Variants in KCNH1 observed in about 807,000 individuals in gnomAD.
KCNH1 encodes the protein potassium voltage-gated channel subfamily H member 1, also known as voltage-gated delayed rectifier potassium channel KCNH1.
In KCNH1, 27 loss-of-function variants were observed where a neutral mutation model predicts 69.2. The ratio of observed to expected loss-of-function variants is 0.39; its 90% CI spans 0.29 to 0.54. The LOEUF (loss-of-function observed/expected upper bound fraction) is 0.54. Among genes scored for constraint, KCNH1 ranks in the 20% least tolerant of loss-of-function variants. KCNH1 has a pLI of 0.68. For missense variants in KCNH1, 798 were observed against 1,261.6 expected (o/e 0.63, Z 5.57); for synonymous variants, 456 against 487.7 (o/e 0.93, Z 0.86).
chr1:211,028,632 TA>T (rs202150926), intron 5 of KCNH1, among the ~76,000 whole-genome samples: 19 of 149,530 alleles, frequency 1.3e-4, no homozygotes, highest in Admixed American at 5.3e-4. Context: ...CCTGGAGACA[TA>T]AAAAAAAATA....
chr1:210,997,152 G>C (rs1689063981), intron 6 of KCNH1, among the ~76,000 whole-genome samples: 1 of 152,196 alleles, frequency 6.6e-6, no homozygotes, highest in Admixed American at 6.6e-5. Context: ...ACGGAACAAA[G>C]CTGGACGGAG....
intron 5 of KCNH1, among the ~76,000 whole-genome samples, chr1:211,036,126 A>G (rs1330169172): frequency 6.6e-6 from 1 of 152,184 alleles, no homozygotes. Context: ...CTGACCAACT[A>G]AAATTGGGGG....
At chr1:210,865,656 A>C (rs567356382) in intron 7 of KCNH1, among the ~76,000 whole-genome samples, 1 of 152,336 alleles carries the variant, frequency 6.6e-6, no homozygotes, top group South Asian at 2.1e-4. Flanking sequence ...ACTTTGAAAA[A>C]CAGTATCTCC....
chr1:210,930,990 G>A (rs746820345), intron 6 of KCNH1, among the ~76,000 whole-genome samples: 2 of 152,110 alleles, frequency 1.3e-5, no homozygotes, highest in Non-Finnish European at 2.9e-5. Flanking sequence ...TACAAGAATG[G>A]CCATAATCAA....
chr1:210,904,928 A>T (rs1687071983), intron 7 of KCNH1, among the ~76,000 whole-genome samples: 1 of 152,160 alleles, frequency 6.6e-6, no homozygotes, highest in Non-Finnish European at 1.5e-5. Context: ...ATAGAGAGTG[A>T]GTAACTAAGG....
At position 211,107,382 on chromosome 1, in the gene KCNH1, T is replaced by C; in HGVS notation, c.80-5A>G. 1 of 1,464,772 alleles carries C rather than the reference T, an allele frequency of 6.8e-7. No individual in the cohort carries two copies. Among genetic ancestry groups the C allele is most frequent in the Non-Finnish European group, 9.3e-7 (1 of 1,080,942 alleles). 90.7% of individuals were successfully genotyped at this position (1,464,772 alleles called of 1,614,324 possible). ...TCCCCAACACAAAATTAGTATCTGT[T>C]AAAAAAAAAAAAAAGGGAAAAAAGG... On this transcript the variant is annotated splice_region_variant and splice_polypyrimidine_tract_variant and intron_variant, in intron 1 of 10. Transcript: ENST00000271751.
chr1:210,868,790 T>C (rs1686172526), intron 7 of KCNH1, among the ~76,000 whole-genome samples: 1 of 152,122 alleles, frequency 6.6e-6, no homozygotes, highest in African/African-American at 2.4e-5. Flanking sequence ...TTTGGTCATT[T>C]CAAGAATATT....
chr1:210,926,668 C>T (rs1451426866), intron 6 of KCNH1, among the ~76,000 whole-genome samples: 10 of 151,916 alleles, frequency 6.6e-5, no homozygotes, highest in South Asian at 2.1e-4. Flanking sequence ...CTTTAACCCC[C>T]GCAAAAGATC....
intron 7 of KCNH1, among the ~76,000 whole-genome samples, chr1:210,886,762 G>A (rs10779545): frequency 0.66 from 100,706 of 151,596 alleles, 34,407 homozygotes; most frequent in African/African-American, 0.82. Flanking sequence ...ACAAGTATCA[G>A]TAACTGAATC....
intron 10 of KCNH1, among the ~76,000 whole-genome samples, chr1:210,702,418 CT>C (rs1681803912): frequency 6.6e-6 from 1 of 151,818 alleles, no homozygotes; most frequent in Non-Finnish European, 1.5e-5. Context: ...TATTCTTTGT[CT>C]TTTTATCTTC....
chr1:210,886,773 G>A (rs375345066), intron 7 of KCNH1, among the ~76,000 whole-genome samples: 1 of 151,768 alleles, frequency 6.6e-6, no homozygotes, highest in Non-Finnish European at 1.5e-5. Flanking sequence ...TAACTGAATC[G>A]ATCAAGCGGA....
At position 211,125,678 on chromosome 1, in the gene KCNH1, G is replaced by A. The variant is rs186841363; in HGVS notation, c.79+8189C>T. Among the ~76,000 whole-genome samples, 32 of 152,256 alleles carry A rather than the reference G, an allele frequency of 2.1e-4. No individual in the cohort carries two copies. The East Asian group carries it at 5.0e-3, about 24-fold the overall frequency. ...AATGCCAGTGGAGGATGTCTACATC[G>A]TTGCTTTAAGGGAAGAAAAAGGAGA... On this transcript the variant is annotated intron_variant, in intron 1 of 10. Transcript: ENST00000271751.
intron 10 of KCNH1, among the ~76,000 whole-genome samples, chr1:210,726,546 T>C (rs1393703250): frequency 4.6e-5 from 7 of 152,176 alleles, no homozygotes; most frequent in Non-Finnish European, 1.0e-4. Context: ...TCAGGTCCCC[T>C]TGGGCTAGTT....
intron 5 of KCNH1, among the ~76,000 whole-genome samples, chr1:211,035,858 A>G (rs1689887591): frequency 6.6e-6 from 1 of 152,208 alleles, no homozygotes; most frequent in Admixed American, 6.5e-5. Flanking sequence ...AGTACAAATG[A>G]CTATTCATAT....
intron 5 of KCNH1, among the ~76,000 whole-genome samples, chr1:211,028,994 T>C (rs1689733288): frequency 6.6e-6 from 1 of 151,894 alleles, no homozygotes; most frequent in Non-Finnish European, 1.5e-5. Flanking sequence ...TAAATATAGA[T>C]GCAAATATCC....
At position 210,679,125 on chromosome 1, in the gene KCNH1, G is replaced by A. The variant is rs1393184667; in HGVS notation, c.*4156C>T. 1 of 152,266 alleles carries A rather than the reference G, an allele frequency of 6.6e-6. No individual in the cohort carries two copies. Among genetic ancestry groups the A allele is most frequent in the Non-Finnish European group, 1.5e-5 (1 of 68,074 alleles). The allele number at this position is 152,266 out of a possible 1,614,324, so 9.4% of individuals were successfully genotyped here. ...TTTTTCTCTGATGTTTGCAGTCAGT[G>A]CTGAGAGGATCATGAAGTCTCCCCC... On this transcript the variant is annotated 3_prime_UTR_variant, in exon 11 of 11. Transcript: ENST00000271751.
intron 10 of KCNH1, among the ~76,000 whole-genome samples, chr1:210,738,479 C>T (rs1251238876): frequency 2.0e-5 from 3 of 148,822 alleles, no homozygotes; most frequent in Non-Finnish European, 3.0e-5. Flanking sequence ...TTGGGAAAAT[C>T]AGTTGGAATG....
chr1:211,039,095 GT>G (rs1689948228), intron 5 of KCNH1, among the ~76,000 whole-genome samples: 1 of 152,212 alleles, frequency 6.6e-6, no homozygotes, highest in African/African-American at 2.4e-5. Flanking sequence ...TCCCTGTGCT[GT>G]GTGCAGCCTA....
At chr1:210,841,076 A>G (rs1023772998) in intron 7 of KCNH1, among the ~76,000 whole-genome samples, 1 of 152,134 alleles carries the variant, frequency 6.6e-6, no homozygotes, top group Non-Finnish European at 1.5e-5. Context: ...TTAAAAAAAC[A>G]ACTCAAAACC....
Sources: allele counts gnomAD v4.1 joint callset (sites outside exome capture counted in the v4.1 genomes callset), GRCh38; gene constraint gnomAD v4.1.1; transcripts MANE v1.5; gene names NCBI Gene and HGNC (gene_info 2026-07-23, HGNC 2026-07-21).